The following SOX6 variants were observed in gnomAD, a reference collection of about 807,000 sequenced individuals.
The protein encoded by SOX6 is transcription factor SOX-6.
A neutral mutation model predicts 97.8 loss-of-function variants in SOX6; 11 were observed. The ratio of observed to expected loss-of-function variants is 0.11; its 90% confidence interval spans 0.07 to 0.19. The LOEUF is 0.19. Ranked by LOEUF, SOX6 falls within the 10% of genes least tolerant of loss-of-function variation. SOX6 has a pLI of 1.00. For missense variants in SOX6, 810 were observed against 1,039.5 expected (o/e 0.78, Z 3.04); for synonymous variants, 360 against 371.4 (o/e 0.97, Z 0.35).
intron 4 of SOX6, among the ~76,000 whole-genome samples, chr11:16,530,928 T>A (rs1325318155): frequency 4.1e-5 from 6 of 147,970 alleles, no homozygotes; most frequent in East Asian, 3.9e-4. Flanking sequence ...TAAACATATT[T>A]TATATATATA....
intron 4 of SOX6, among the ~76,000 whole-genome samples, chr11:16,560,980 G>A (rs573879862): frequency 6.6e-6 from 1 of 152,192 alleles, no homozygotes; most frequent in African/African-American, 2.4e-5. Flanking sequence ...AAATATGGGA[G>A]TCGGGTGAGG....
chr11:16,291,458 C>G (rs948799472), intron 3 of SOX6, among the ~76,000 whole-genome samples: 1 of 151,706 alleles, frequency 6.6e-6, no homozygotes, highest in Non-Finnish European at 1.5e-5. Context: ...AACAAATAAA[C>G]CTACCTTGCA....
At chr11:15,987,500 A>G (rs1853892714) in intron 14 of SOX6, among the ~76,000 whole-genome samples, 2 of 152,312 alleles carry the variant, frequency 1.3e-5, no homozygotes, top group South Asian at 4.1e-4. Context: ...TTTAATGAAT[A>G]TACTTACTAT....
In SOX6 at chr11:16,529,424, C is replaced by T. The variant is rs7103077; in HGVS notation, n.610-53036G>A. Among the ~76,000 whole-genome samples the T allele has an allele frequency of 7.7e-3, 1,170 of 152,144 alleles. 14 individuals carry two copies. Among genetic ancestry groups the T allele is most frequent in the African/African-American group, 0.026 (1,100 of 41,516 alleles). On this transcript the variant is annotated intron_variant and non_coding_transcript_variant, in intron 4 of 5. Transcript: ENST00000524520. ...TTTTGTTTGGCTATATTGGAAGATC[C>T]TGTTACTCTAACACACAATGGAGAG...
At chr11:16,466,319 C>T (rs1860031332) in intron 1 of SOX6, among the ~76,000 whole-genome samples, 1 of 152,184 alleles carries the variant, frequency 6.6e-6, no homozygotes, top group Non-Finnish European at 1.5e-5. Flanking sequence ...GAGAGTGACA[C>T]ATTTCACTTA....
At chr11:16,668,610 C>T (rs1345301845) in intron 3 of SOX6, among the ~76,000 whole-genome samples, 1 of 152,076 alleles carries the variant, frequency 6.6e-6, no homozygotes, top group East Asian at 1.9e-4. Context: ...AGACACAGAA[C>T]AGATGAATGG....
At chr11:16,091,103 C>T (rs1463316419) in intron 9 of SOX6, among the ~76,000 whole-genome samples, 1 of 152,050 alleles carries the variant, frequency 6.6e-6, no homozygotes, top group African/African-American at 2.4e-5. Flanking sequence ...GGAGTTAATT[C>T]CATTAGCCTA....
intron 12 of SOX6, among the ~76,000 whole-genome samples, chr11:16,037,981 A>G (rs916703679): frequency 3.9e-5 from 6 of 152,178 alleles, no homozygotes; most frequent in Non-Finnish European, 8.8e-5. Flanking sequence ...CATGAGTTCC[A>G]TATCTGAGAG....
intron 9 of SOX6, among the ~76,000 whole-genome samples, chr11:16,074,836 C>G (rs1001369584): frequency 2.6e-5 from 4 of 152,158 alleles, no homozygotes; most frequent in Non-Finnish European, 1.5e-5. Context: ...ATCAAACTAT[C>G]AATGACATTC....
chr11:16,024,737 T>G (rs965490028), intron 12 of SOX6, among the ~76,000 whole-genome samples: 1 of 152,034 alleles, frequency 6.6e-6, no homozygotes, highest in Admixed American at 6.6e-5. Flanking sequence ...CAGAGAGAAC[T>G]GTGCGCTGCA....
rs529389094 is a variant in SOX6 at position 16,020,432 on chromosome 11, G to A, written c.1624-5382C>T. Among the ~76,000 whole-genome samples the A allele has an allele frequency of 1.8e-4, 28 of 152,022 alleles. No homozygotes were observed. The South Asian group carries it at 4.2e-3, about 23-fold the overall frequency. On this transcript the variant is annotated intron_variant, in intron 12 of 15. Coordinates refer to ENST00000683767, the MANE Select transcript of SOX6 (RefSeq NM_001367873.1). ...TCATGTCTCTGATTCAAAACCTTCC[G>A]TGGCTTCCCATGTCTACTGCATTTC...
At chr11:16,200,260 T>G (rs1851898357) in intron 4 of SOX6, among the ~76,000 whole-genome samples, 1 of 152,200 alleles carries the variant, frequency 6.6e-6, no homozygotes, top group Admixed American at 6.5e-5. Flanking sequence ...TCCTACTCAG[T>G]CTTCTCACTC....
intron 9 of SOX6, among the ~76,000 whole-genome samples, chr11:16,092,015 G>A (rs1848701449): frequency 6.6e-6 from 1 of 152,012 alleles, no homozygotes; most frequent in South Asian, 2.1e-4. Flanking sequence ...ATTCAGAGAA[G>A]TGAGCAATCT....
Position 16,425,719 on chromosome 11 carries a change from T to C in SOX6, c.-5+50596A>G, listed in dbSNP as rs575114689. Among the ~76,000 whole-genome samples, 47 of 152,152 alleles carry C rather than the reference T, an allele frequency of 3.1e-4. 1 individual carries two copies. The South Asian group carries it at 9.8e-3, about 32-fold the overall frequency. On this transcript the variant is annotated intron_variant, in intron 1 of 15. Transcript: ENST00000396356. Reference sequence around the variant, plus strand: ...ATCAGGAACAAACTCCTATTCACAATTGCCACAAAAACAATAGAACAGGAA... The same window carrying C: ...ATCAGGAACAAACTCCTATTCACAACTGCCACAAAAACAATAGAACAGGAA...
intron 6 of SOX6, among the ~76,000 whole-genome samples, chr11:16,139,270 T>C (rs1249454909): frequency 6.6e-6 from 1 of 152,206 alleles, no homozygotes; most frequent in Non-Finnish European, 1.5e-5. Flanking sequence ...TCGTTCTTTA[T>C]CCAGCTCTCA....
intron 4 of SOX6, among the ~76,000 whole-genome samples, chr11:16,561,029 G>T (rs1847809445): frequency 1.3e-5 from 2 of 152,022 alleles, no homozygotes; most frequent in South Asian, 4.2e-4. Context: ...TATACTACTT[G>T]GGTGATGGGT....
chr11:16,064,324 A>G (rs1429052151), intron 9 of SOX6, among the ~76,000 whole-genome samples: 2 of 151,768 alleles, frequency 1.3e-5, no homozygotes, highest in Non-Finnish European at 3.0e-5. Context: ...AGTAAAAAAG[A>G]AGGCACAACC....
chr11:16,578,371 T>A (rs1848002655), intron 4 of SOX6, among the ~76,000 whole-genome samples: 1 of 152,190 alleles, frequency 6.6e-6, no homozygotes, highest in Non-Finnish European at 1.5e-5. Flanking sequence ...ATTTTTTCCA[T>A]CTTTGAACTT....
At chr11:16,217,825 T>A (rs1852418686) in intron 4 of SOX6, among the ~76,000 whole-genome samples, 1 of 152,116 alleles carries the variant, frequency 6.6e-6, no homozygotes, top group Non-Finnish European at 1.5e-5. Context: ...TGAGGTCCCC[T>A]CTCCTGATTC....
Sources: gnomAD v4.1 joint callset for allele counts (sites outside exome capture counted in the v4.1 genomes callset) on GRCh38, gnomAD v4.1.1 for gene constraint, MANE v1.5 for transcripts, NCBI Gene and HGNC (gene_info 2026-07-23, HGNC 2026-07-21) for gene names.